Variants in PTPRO observed in about 807,000 individuals in gnomAD.
PTPRO encodes protein tyrosine phosphatase receptor type O.
Under a neutral mutation model 145.2 loss-of-function variants are expected in PTPRO, and 62 were observed. The ratio of observed to expected loss-of-function variants is 0.43; its 90% CI spans 0.35 to 0.53. The LOEUF is 0.53. Ranked by LOEUF, PTPRO falls within the 20% of genes least tolerant of loss-of-function variation. The probability of loss-of-function intolerance (pLI) is 0.01; values close to 1 mark genes in which losing one functional copy is unlikely to be tolerated. For missense variants in PTPRO, 1,345 were observed against 1,482.7 expected, an observed-to-expected ratio of 0.91 and a Z score of 1.53; for synonymous variants, 565 against 514.7, an observed-to-expected ratio of 1.10 and a Z score of -1.32.
intron 1 of PTPRO, among the ~76,000 whole-genome samples, chr12:15,337,127 C>A (rs1420790790): frequency 6.6e-6 from 1 of 152,070 alleles, no homozygotes; most frequent in Non-Finnish European, 1.5e-5. Flanking sequence ...CAAGAAGAAA[C>A]GTTTTGTAGG....
intron 1 of PTPRO, among the ~76,000 whole-genome samples, chr12:15,395,492 T>A (rs1232188890): frequency 6.6e-6 from 1 of 152,096 alleles, no homozygotes; most frequent in African/African-American, 2.4e-5. Context: ...TCTCCATTCT[T>A]CTAATTAGAA....
chr12:15,372,539 CT>C (rs1938561398), intron 1 of PTPRO, among the ~76,000 whole-genome samples: 1 of 152,162 alleles, frequency 6.6e-6, no homozygotes, highest in South Asian at 2.1e-4. Flanking sequence ...AATAACTTCT[CT>C]AATTAAAACC....
intron 19 of PTPRO, 70 bp from the exon 20 acceptor site, chr12:15,578,783 A>T (rs1030777350): frequency 4.9e-5 from 53 of 1,081,260 alleles, no homozygotes; most frequent in Non-Finnish European, 6.8e-5. Flanking sequence ...TGTGAGCAAT[A>T]AACCAGTTGA....
At chr12:15,518,699 A>G (rs1377398531) in intron 9 of PTPRO, among the ~76,000 whole-genome samples, 1 of 152,202 alleles carries the variant, frequency 6.6e-6, no homozygotes, top group Non-Finnish European at 1.5e-5. Context: ...TCAAAGTTCC[A>G]AAATCCCTAA....
chr12:15,581,898 T>C, intron 23 of PTPRO, 97 bp downstream of exon 23: 1 of 1,483,938 alleles, frequency 6.7e-7, no homozygotes, highest in Non-Finnish European at 9.3e-7. Flanking sequence ...GCTAGAGGAA[T>C]TACAGACACA....
chr12:15,553,390 T>G (rs919988947), intron 15 of PTPRO, among the ~76,000 whole-genome samples: 1 of 152,114 alleles, frequency 6.6e-6, no homozygotes, highest in Non-Finnish European at 1.5e-5. Flanking sequence ...GTGGGTAGGC[T>G]TCACTGAAAT....
At chr12:15,574,769 A>AT (rs1457821490) in intron 19 of PTPRO, among the ~76,000 whole-genome samples, 3 of 152,164 alleles carry the variant, frequency 2.0e-5, no homozygotes, top group African/African-American at 7.2e-5. Context: ...GACTTGTTGG[A>AT]TTTTTTGTAA....
intron 1 of PTPRO, among the ~76,000 whole-genome samples, chr12:15,476,701 C>A (rs534702036): frequency 6.6e-6 from 1 of 152,180 alleles, no homozygotes; most frequent in Admixed American, 6.5e-5. Context: ...GGTTTTAGGT[C>A]TCAGTTCTCA....
chr12:15,446,523 A>G (rs1940907047), intron 1 of PTPRO, among the ~76,000 whole-genome samples: 1 of 151,830 alleles, frequency 6.6e-6, no homozygotes, highest in Non-Finnish European at 1.5e-5. Flanking sequence ...AAAATATTTT[A>G]TTCTAATATT....
intron 1 of PTPRO, among the ~76,000 whole-genome samples, chr12:15,482,957 C>T (rs76365629): frequency 0.017 from 2,601 of 152,136 alleles, 95 homozygotes; most frequent in African/African-American, 0.06. Context: ...TTAAAAGTAA[C>T]GATACGTATC....
intron 1 of PTPRO, among the ~76,000 whole-genome samples, chr12:15,472,715 A>G (rs1941569802): frequency 6.6e-6 from 1 of 152,190 alleles, no homozygotes; most frequent in African/African-American, 2.4e-5. Flanking sequence ...GGAAGTCTAG[A>G]TCAAACAAAT....
At chr12:15,537,320 T>C (rs1194273211) in intron 12 of PTPRO, among the ~76,000 whole-genome samples, 2 of 152,052 alleles carry the variant, frequency 1.3e-5, no homozygotes, top group Admixed American at 1.3e-4. Context: ...AATAATGCTA[T>C]CCAGGAACTA....
intron 22 of PTPRO, among the ~76,000 whole-genome samples, chr12:15,581,359 G>A (rs912590531): frequency 7.1e-6 from 1 of 140,578 alleles, no homozygotes; most frequent in Non-Finnish European, 1.5e-5. Flanking sequence ...GGGGTGCAGT[G>A]GCACGATCTC....
At chr12:15,346,383 G>T (rs898004708) in intron 1 of PTPRO, 1 of 152,184 alleles carries the variant, frequency 6.6e-6, no homozygotes, top group Non-Finnish European at 1.5e-5. Flanking sequence ...GCATCCCCAG[G>T]TTGGGTCAGA....
At chr12:15,361,942 C>A (rs892718412) in intron 1 of PTPRO, among the ~76,000 whole-genome samples, 11 of 152,032 alleles carry the variant, frequency 7.2e-5, no homozygotes, top group African/African-American at 2.7e-4. Context: ...GTCAGCTTTC[C>A]AGGCTAATTT....
intron 1 of PTPRO, among the ~76,000 whole-genome samples, chr12:15,404,231 T>G (rs1031128706): frequency 6.7e-6 from 1 of 148,386 alleles, no homozygotes; most frequent in Non-Finnish European, 1.5e-5. Flanking sequence ...GGTTGTTTGG[T>G]ACATAAAATA....
chr12:15,473,663 A>G (rs910315470), intron 1 of PTPRO, among the ~76,000 whole-genome samples: 1 of 148,048 alleles, frequency 6.8e-6, no homozygotes, highest in Non-Finnish European at 1.5e-5. Context: ...GCTACTCGGG[A>G]GGCTGAGGCA....
At position 15,501,842 on chromosome 12, in the gene PTPRO, C is replaced by A. The variant is rs1193084073; in HGVS notation, c.884C>A (p.Ser295Tyr). ...AATAGCAGTGACTATGAAACTACGT[C>A]TCAGCCATATTGGTGGGACAGTGCA... ...DFNSSDYETT[S>Y]QPYWWDSASA... Residue 295 changes from serine to tyrosine, a missense_variant, in exon 5 of 27, where the codon TCT becomes TAT. By Grantham distance (144) the Ser-to-Tyr change is moderately radical. Coordinates refer to ENST00000281171, the MANE Select transcript of PTPRO (RefSeq NM_030667.3). The A allele has an allele frequency of 1.9e-6, 3 of 1,613,972 alleles. No individual in the cohort carries two copies. The African/African-American group carries it at 4.0e-5, about 22-fold the overall frequency.
At chr12:15,416,032 A>T (rs1378617209) in intron 1 of PTPRO, among the ~76,000 whole-genome samples, 1 of 151,742 alleles carries the variant, frequency 6.6e-6, no homozygotes, top group Non-Finnish European at 1.5e-5. Context: ...TAGCACTTAT[A>T]TTTTAATCTC....
Sources: allele counts gnomAD v4.1 joint callset (sites outside exome capture counted in the v4.1 genomes callset), GRCh38; gene constraint gnomAD v4.1.1; transcripts MANE v1.5; gene names NCBI Gene and HGNC (gene_info 2026-07-23, HGNC 2026-07-21).